The following ADAMTSL1 variants were observed in gnomAD, a reference collection of about 807,000 sequenced individuals.
ADAMTSL1 encodes ADAMTS-like protein 1.
ADAMTSL1 carries 126 observed loss-of-function variants against 201.8 expected under a neutral mutation model. The observed-to-expected ratio is 0.62, with a 90% CI of 0.54 to 0.72. The LOEUF is 0.72. Among genes scored for constraint, ADAMTSL1 ranks in the 30% least tolerant of loss-of-function variants. The pLI is 0.00. For missense variants in ADAMTSL1, 2,679 were observed against 2,277.8 expected, an observed-to-expected ratio of 1.18 and a Z score of -3.59; for synonymous variants, 1,121 against 903.4, an observed-to-expected ratio of 1.24 and a Z score of -4.32.
chr9:18,507,261 G>A (rs1817727515), intron 2 of ADAMTSL1, among the ~76,000 whole-genome samples: 1 of 152,154 alleles, frequency 6.6e-6, no homozygotes, highest in Non-Finnish European at 1.5e-5. Context: ...CTCATGATAT[G>A]ACCACATTAG....
chr9:18,830,036 T>A lies in ADAMTSL1; in HGVS notation c.4249+59T>A, dbSNP rs749151861. 4.7e-5 allele frequency: 73 copies of A among 1,544,826 alleles called. No homozygotes were observed. The Admixed American group carries it at 5.8e-4, about 12-fold the overall frequency. On this transcript the variant is annotated intron_variant, in intron 23 of 28. Transcript: ENST00000380548. ...GCCAGGACTGGACAGGATTTATGGA[T>A]GGGTGACTGTTTGCAGGTGGGAAGG...
chr9:17,933,633 T>A (rs904902190), intron 1 of ADAMTSL1, among the ~76,000 whole-genome samples: 1 of 152,124 alleles, frequency 6.6e-6, no homozygotes, highest in Non-Finnish European at 1.5e-5. Context: ...GAAGCATGGC[T>A]GGGGAGGCCT....
intron 8 of ADAMTSL1, among the ~76,000 whole-genome samples, chr9:18,658,527 A>C (rs1407749377): frequency 6.6e-6 from 1 of 152,034 alleles, no homozygotes; most frequent in African/African-American, 2.4e-5. Flanking sequence ...TTATTTTTCA[A>C]CTCCACCCCA....
intron 20 of ADAMTSL1, among the ~76,000 whole-genome samples, chr9:18,802,860 C>G (rs942428153): frequency 3.4e-4 from 52 of 152,212 alleles, no homozygotes; most frequent in Non-Finnish European, 6.2e-4. Flanking sequence ...CATATTCTCA[C>G]CAACAGTTGT....
At chr9:18,185,212 G>A (rs1034849777) in intron 2 of ADAMTSL1, among the ~76,000 whole-genome samples, 3 of 152,116 alleles carry the variant, frequency 2.0e-5, no homozygotes, top group Non-Finnish European at 4.4e-5. Flanking sequence ...AAAGACGACA[G>A]GATATTATTC....
chr9:18,737,013 G>C (rs1228335611), intron 15 of ADAMTSL1, among the ~76,000 whole-genome samples: 1 of 152,120 alleles, frequency 6.6e-6, no homozygotes, highest in African/African-American at 2.4e-5. Flanking sequence ...CTGCCTGAAA[G>C]GCCAATTAAA....
chr9:18,042,042 A>G (rs559638879), intron 1 of ADAMTSL1, among the ~76,000 whole-genome samples: 1 of 151,438 alleles, frequency 6.6e-6, no homozygotes, highest in Admixed American at 6.6e-5. Context: ...TACTCCGTGC[A>G]TGAAGTGCCA....
intron 4 of ADAMTSL1, among the ~76,000 whole-genome samples, chr9:18,597,779 T>G (rs1824363769): frequency 1.3e-5 from 2 of 152,164 alleles, no homozygotes; most frequent in Non-Finnish European, 2.9e-5. Flanking sequence ...TGAAAAAAAT[T>G]TAAAGCATCA....
intron 9 of ADAMTSL1, among the ~76,000 whole-genome samples, chr9:18,665,132 G>C (rs538375210): frequency 2.6e-5 from 4 of 151,966 alleles, no homozygotes; most frequent in African/African-American, 9.6e-5. Flanking sequence ...TGTAAAAACA[G>C]TTTTCATTAC....
chr9:18,558,211 C>T (rs1396179778), intron 3 of ADAMTSL1, among the ~76,000 whole-genome samples: 1 of 152,080 alleles, frequency 6.6e-6, no homozygotes, highest in Admixed American at 6.6e-5. Context: ...TCCCTGTGTC[C>T]ATGTGTTCTC....
chr9:18,002,011 G>A (rs1819630708), intron 1 of ADAMTSL1, among the ~76,000 whole-genome samples: 1 of 152,012 alleles, frequency 6.6e-6, no homozygotes, highest in Non-Finnish European at 1.5e-5. Flanking sequence ...TTGGCTCACA[G>A]CTGGAGAGGA....
intron 2 of ADAMTSL1, among the ~76,000 whole-genome samples, chr9:18,254,746 C>T (rs1831617394): frequency 6.9e-6 from 1 of 144,936 alleles, no homozygotes; most frequent in Non-Finnish European, 1.5e-5. Context: ...GAGCATTTTA[C>T]AATCATTTTT....
chr9:18,046,983 T>C (rs1821687276), intron 1 of ADAMTSL1, among the ~76,000 whole-genome samples: 1 of 152,052 alleles, frequency 6.6e-6, no homozygotes, highest in Non-Finnish European at 1.5e-5. Flanking sequence ...GGGATGTGTG[T>C]GGGAGTTCAG....
At chr9:17,958,615 C>T (rs116416985) in intron 1 of ADAMTSL1, among the ~76,000 whole-genome samples, 106 of 152,228 alleles carry the variant, frequency 7.0e-4, no homozygotes, top group African/African-American at 2.4e-3. Flanking sequence ...GCTTCCATTT[C>T]TATGGCATGG....
At chr9:18,027,862 T>C (rs1007778605) in intron 1 of ADAMTSL1, among the ~76,000 whole-genome samples, 2 of 152,070 alleles carry the variant, frequency 1.3e-5, no homozygotes, top group African/African-American at 2.4e-5. Flanking sequence ...TTTATAGGTA[T>C]AGAAGTATTT....
At chr9:18,642,732 G>T (rs943461525) in intron 7 of ADAMTSL1, among the ~76,000 whole-genome samples, 1 of 151,798 alleles carries the variant, frequency 6.6e-6, no homozygotes, top group African/African-American at 2.4e-5. Context: ...TGTTCTCCAG[G>T]TTCATCCACA....
chr9:18,321,872 A>G (rs914864922), intron 2 of ADAMTSL1, among the ~76,000 whole-genome samples: 4 of 152,206 alleles, frequency 2.6e-5, no homozygotes, highest in South Asian at 2.1e-4. Flanking sequence ...GTATTTACCA[A>G]TGCATCATAT....
intron 2 of ADAMTSL1, among the ~76,000 whole-genome samples, chr9:18,395,240 C>G (rs939549926): frequency 2.0e-5 from 3 of 152,148 alleles, no homozygotes; most frequent in African/African-American, 7.2e-5. Context: ...CTCCAGGAAG[C>G]CAGTCTGAAT....
intron 3 of ADAMTSL1, among the ~76,000 whole-genome samples, chr9:18,559,549 T>C (rs900915449): frequency 6.6e-6 from 1 of 152,224 alleles, no homozygotes; most frequent in Non-Finnish European, 1.5e-5. Flanking sequence ...GTGAAGAAAG[T>C]CAATGGTAGC....
Sources: gnomAD v4.1 joint callset for allele counts (sites outside exome capture counted in the v4.1 genomes callset) on GRCh38, gnomAD v4.1.1 for gene constraint, MANE v1.5 for transcripts, NCBI Gene and HGNC (gene_info 2026-07-23, HGNC 2026-07-21) for gene names.